The following CLUL1 variants were observed in gnomAD, a reference collection of about 807,000 sequenced individuals.
CLUL1 encodes clusterin-like protein 1.
A neutral mutation model predicts 49.4 loss-of-function variants in CLUL1; 43 were observed. That is an observed-to-expected ratio of 0.87 (90% CI 0.68 to 1.12). The LOEUF is 1.12. CLUL1 is among the 50% of genes most tolerant of loss of function. CLUL1 has a pLI of 0.00. For missense variants in CLUL1, 486 were observed against 544.4 expected, an observed-to-expected ratio of 0.89 and a Z score of 1.07; for synonymous variants, 192 against 184.9, an observed-to-expected ratio of 1.04 and a Z score of -0.31.
chr18:625,776 T>A (rs2073669474), intron 5 of CLUL1, among the ~76,000 whole-genome samples: 1 of 152,180 alleles, frequency 6.6e-6, no homozygotes, highest in African/African-American at 2.4e-5. Context: ...CGCTCCATAT[T>A]AGAGCACATA....
chr18:623,624 G>T, intron 4 of CLUL1, among the ~76,000 whole-genome samples: 1 of 137,258 alleles, frequency 7.3e-6, no homozygotes, highest in East Asian at 2.1e-4. Context: ...CAGCCTGGGC[G>T]ACACAGCCAG....
chr18:610,832 T>C (rs1366356557), intron 2 of CLUL1, among the ~76,000 whole-genome samples: 1 of 151,988 alleles, frequency 6.6e-6, no homozygotes, highest in Non-Finnish European at 1.5e-5. Context: ...AGTCCAGGAG[T>C]TCGAGACCAG....
At chr18:609,859 C>CATTTTGG (rs762699426) in intron 2 of CLUL1, among the ~76,000 whole-genome samples, 9 of 148,500 alleles carry the variant, frequency 6.1e-5, no homozygotes, top group Non-Finnish European at 1.3e-4. Context: ...GATTTTGGAG[C>CATTTTGG]ATTTTGGATT....
chr18:622,306 CTCCAAA>C, intron 4 of CLUL1, among the ~76,000 whole-genome samples: 1 of 152,166 alleles, frequency 6.6e-6, no homozygotes, highest in South Asian at 2.1e-4. Flanking sequence ...GTGACTTGAC[CTCCAAA>C]TCAGGTTTTA....
chr18:614,570 C>T (rs2073238416), intron 2 of CLUL1: 1 of 152,256 alleles, frequency 6.6e-6, no homozygotes, highest in Admixed American at 6.5e-5. Context: ...GCTAACACCC[C>T]TGGCCTCTCA....
intron 2 of CLUL1, among the ~76,000 whole-genome samples, chr18:609,307 A>C (rs558253046): frequency 6.6e-6 from 1 of 152,320 alleles, no homozygotes; most frequent in Non-Finnish European, 1.5e-5. Context: ...ACTGACAAGC[A>C]ATCATTTTCT....
intron 1 of CLUL1, chr18:598,720 T>C (rs1598405051): frequency 5.1e-6 from 2 of 394,718 alleles, no homozygotes; most frequent in Middle Eastern, 6.4e-4. Flanking sequence ...ATTTCTGCAC[T>C]TTGAAGAATT....
chr18:637,953 C>T (rs980214198), intron 7 of CLUL1, among the ~76,000 whole-genome samples: 5 of 149,064 alleles, frequency 3.4e-5, no homozygotes, highest in Admixed American at 2.0e-4. Context: ...GGCCTCAGAG[C>T]GAGACTCTGT....
intron 2 of CLUL1, among the ~76,000 whole-genome samples, chr18:617,201 G>A (rs1022626441): frequency 2.6e-5 from 4 of 152,118 alleles, no homozygotes; most frequent in African/African-American, 9.7e-5. Flanking sequence ...AGCATAATGG[G>A]TTTTATAAGG....
At chr18:613,209 G>T in intron 2 of CLUL1, 1 of 472,248 alleles carries the variant, frequency 2.1e-6, no homozygotes, top group Non-Finnish European at 3.8e-6. Context: ...TGCAATCTCA[G>T]CTCACTGCAA....
At position 611,982 on chromosome 18, in the gene CLUL1, C is replaced by G. The variant is rs181381685; in HGVS notation, c.-14+4883C>G. Among the ~76,000 whole-genome samples the G allele has an allele frequency of 2.6e-5, 4 of 152,306 alleles. No individual in the cohort carries two copies. The East Asian group carries it at 7.7e-4, about 29-fold the overall frequency. ...TCCAAAGCTCAAGTCAAGAATCCAG[C>G]AGCCACCTTTGATTCTGCACTTCCC... On this transcript the variant is annotated intron_variant, in intron 2 of 9. Transcript: ENST00000692774.
rs923614021 is a variant in CLUL1 at position 606,738 on chromosome 18, A to G, written c.-135-240A>G. 1.3e-5 allele frequency among the ~76,000 whole-genome samples: 2 copies of G among 152,214 alleles called. No individual in the cohort carries two copies. Among genetic ancestry groups the G allele is most frequent in the Admixed American group, 1.3e-4 (2 of 15,284 alleles). ...GAGAAGAAAAGAAAAAGAGGATTAT[A>G]TAATAAAACGTAAAACAACAAACAT... On this transcript the variant is annotated intron_variant, in intron 1 of 9. Transcript: ENST00000692774. The surrounding 1 kb of genome is among the most constrained non-coding windows in gnomAD (Gnocchi z 4.1).
At chr18:630,672 C>CTT (rs36222515) in intron 6 of CLUL1, among the ~76,000 whole-genome samples, 908 of 62,070 alleles carry the variant, frequency 0.015, 61 homozygotes, top group African/African-American at 0.016. Flanking sequence ...CTACTGACAT[C>CTT]TTTTTTTTTT....
intron 6 of CLUL1, among the ~76,000 whole-genome samples, chr18:630,493 G>A (rs2073961812): frequency 6.6e-6 from 1 of 152,048 alleles, no homozygotes; most frequent in South Asian, 2.1e-4. Flanking sequence ...GTGGAAGAAG[G>A]AGGCAGAAAA....
intron 5 of CLUL1, among the ~76,000 whole-genome samples, chr18:625,554 CACACA>C (rs765756285): frequency 1.8e-4 from 27 of 151,190 alleles, no homozygotes; most frequent in Non-Finnish European, 3.4e-4. Flanking sequence ...CACACACACA[CACACA>C]CCCCTTCATG....
intron 1 of CLUL1, among the ~76,000 whole-genome samples, chr18:599,918 A>T (rs923885320): frequency 1.3e-5 from 2 of 150,798 alleles, no homozygotes; most frequent in Non-Finnish European, 2.9e-5. Context: ...ACTGCACTCC[A>T]GTCTGGGCTA....
intron 6 of CLUL1, among the ~76,000 whole-genome samples, chr18:630,750 G>A (rs1039230639): frequency 3.9e-5 from 5 of 127,920 alleles, no homozygotes; most frequent in Admixed American, 9.6e-5. Context: ...GCAGTGGTGC[G>A]ATCTTGGCTC....
At chr18:601,414 G>T (rs953506213) in intron 1 of CLUL1, among the ~76,000 whole-genome samples, 1 of 152,110 alleles carries the variant, frequency 6.6e-6, no homozygotes, top group African/African-American at 2.4e-5. Context: ...AGGCTGAGGT[G>T]GTTGGATCCC....
intron 7 of CLUL1, among the ~76,000 whole-genome samples, chr18:636,544 GT>G (rs1279363758): frequency 6.7e-6 from 1 of 149,376 alleles, no homozygotes; most frequent in Non-Finnish European, 1.5e-5. Flanking sequence ...AAAAAAATGA[GT>G]TTAATAGAGT....
Sources: allele counts gnomAD v4.1 joint callset (sites outside exome capture counted in the v4.1 genomes callset), GRCh38; gene constraint gnomAD v4.1.1; non-coding constraint Gnocchi (gnomAD v3.1); transcripts MANE v1.5; gene names NCBI Gene and HGNC (gene_info 2026-07-23, HGNC 2026-07-21).